Variants in PPP2R5E observed in about 807,000 individuals in gnomAD.
The protein encoded by PPP2R5E is serine/threonine-protein phosphatase 2A 56 kDa regulatory subunit epsilon isoform.
A neutral mutation model predicts 65.3 loss-of-function variants in PPP2R5E; 4 were observed. The ratio of observed to expected loss-of-function variants is 0.06; its 90% CI spans 0.03 to 0.14. The LOEUF (loss-of-function observed/expected upper bound fraction) is 0.14. PPP2R5E is among the 10% of genes least tolerant of loss of function. PPP2R5E has a pLI of 1.00. For missense variants in PPP2R5E, 274 were observed against 556.1 expected (o/e 0.49, Z 5.10); for synonymous variants, 183 against 187.4 (o/e 0.98, Z 0.19).
At chr14:63,493,206 G>T (rs1172634687) in intron 2 of PPP2R5E, among the ~76,000 whole-genome samples, 1 of 151,050 alleles carries the variant, frequency 6.6e-6, no homozygotes, top group Non-Finnish European at 1.5e-5. Context: ...TGGTTTGGTG[G>T]GTTGTTTTTT....
At chr14:63,390,929 C>T (rs1278817576) in intron 10 of PPP2R5E, among the ~76,000 whole-genome samples, 1 of 152,196 alleles carries the variant, frequency 6.6e-6, no homozygotes, top group Admixed American at 6.5e-5. Context: ...TAGCACATGC[C>T]TGGTGAATTC....
chr14:63,430,385 A>ACATGCATG (rs1370442958), intron 3 of PPP2R5E, among the ~76,000 whole-genome samples: 1 of 140,812 alleles, frequency 7.1e-6, no homozygotes, highest in African/African-American at 3.1e-5. Context: ...ATGCATACAT[A>ACATGCATG]CATACATACA....
At chr14:63,439,873 C>G (rs1888131661) in intron 3 of PPP2R5E, among the ~76,000 whole-genome samples, 1 of 152,230 alleles carries the variant, frequency 6.6e-6, no homozygotes, top group African/African-American at 2.4e-5. Context: ...GCTCGCATAG[C>G]TTGCCTGCAG....
In PPP2R5E at chr14:63,373,727, T is replaced by C. The variant is rs1173186520; in HGVS notation, c.*2282A>G. On this transcript the variant is annotated 3_prime_UTR_variant, in exon 14 of 14. Transcript: ENST00000337537. ...GGATCCTGGCCTTTCTCATTTCAAA[T>C]GACTGCATTTCATTCCAATGAGCAG... 2 of 152,212 alleles carry C rather than the reference T, an allele frequency of 1.3e-5. No individual in the cohort carries two copies. Among genetic ancestry groups the C allele is most frequent in the Non-Finnish European group, 2.9e-5 (2 of 68,034 alleles). 9.4% of individuals were successfully genotyped at this position (152,212 alleles called of 1,614,324 possible).
intron 13 of PPP2R5E, among the ~76,000 whole-genome samples, chr14:63,379,348 G>A (rs1316050624): frequency 2.0e-5 from 3 of 152,062 alleles, no homozygotes; most frequent in Non-Finnish European, 4.4e-5. Flanking sequence ...CTCTGCTCAT[G>A]GCAACCTCCC....
chr14:63,538,261 CTTTT>C (rs10709303), intron 2 of PPP2R5E, among the ~76,000 whole-genome samples: 4 of 146,300 alleles, frequency 2.7e-5, no homozygotes. Context: ...CCTGCACTTT[CTTTT>C]TTTTTTTTCC....
chr14:63,496,758 G>A (rs889593943), intron 2 of PPP2R5E, among the ~76,000 whole-genome samples: 24 of 151,466 alleles, frequency 1.6e-4, no homozygotes, highest in African/African-American at 4.6e-4. Context: ...TTTCTTCTCC[G>A]ACTTAAATCT....
At chr14:63,474,740 A>G (rs1228730572) in intron 2 of PPP2R5E, among the ~76,000 whole-genome samples, 1 of 135,978 alleles carries the variant, frequency 7.4e-6, no homozygotes, top group East Asian at 1.9e-4. Context: ...TATTTGGGGG[A>G]AAAAAAGGAA....
intron 8 of PPP2R5E, among the ~76,000 whole-genome samples, chr14:63,392,990 A>T (rs909246894): frequency 1.3e-5 from 2 of 152,310 alleles, no homozygotes; most frequent in African/African-American, 4.8e-5. Context: ...TTTTAAAGTG[A>T]TGAAGGCTTA....
At chr14:63,410,003 G>C (rs533876481) in intron 5 of PPP2R5E, among the ~76,000 whole-genome samples, 1 of 152,106 alleles carries the variant, frequency 6.6e-6, no homozygotes, top group South Asian at 2.1e-4. Flanking sequence ...CAAACCCAAA[G>C]CTTCCTAACT....
intron 2 of PPP2R5E, among the ~76,000 whole-genome samples, chr14:63,466,249 T>TAA: frequency 1.1e-5 from 1 of 93,116 alleles, no homozygotes; most frequent in African/African-American, 4.4e-5. Context: ...TCATGAAACT[T>TAA]AAAAAAAAAA....
At chr14:63,466,801 A>ATGTG (rs1889833055) in intron 2 of PPP2R5E, among the ~76,000 whole-genome samples, 3 of 150,638 alleles carry the variant, frequency 2.0e-5, no homozygotes, top group African/African-American at 7.5e-5. Flanking sequence ...ATGTGTATGT[A>ATGTG]TGTATGTGTG....
chr14:63,539,290 A>G (rs376900456), intron 2 of PPP2R5E, among the ~76,000 whole-genome samples: 1 of 152,198 alleles, frequency 6.6e-6, no homozygotes, highest in Admixed American at 6.5e-5. Flanking sequence ...TAGTTTACCT[A>G]CTCATCAATG....
chr14:63,482,705 A>C (rs1000005859), intron 2 of PPP2R5E, among the ~76,000 whole-genome samples: 4 of 152,218 alleles, frequency 2.6e-5, no homozygotes, highest in African/African-American at 9.7e-5. Context: ...TGAATGCATA[A>C]AAATCTTAAA....
chr14:63,496,225 A>C (rs1232162118), intron 2 of PPP2R5E, among the ~76,000 whole-genome samples: 1 of 151,980 alleles, frequency 6.6e-6, no homozygotes, highest in Non-Finnish European at 1.5e-5. Context: ...CCACTTGGCC[A>C]GGCACAGTGG....
At chr14:63,407,991 G>C (rs1886185149) in intron 5 of PPP2R5E, among the ~76,000 whole-genome samples, 1 of 152,164 alleles carries the variant, frequency 6.6e-6, no homozygotes, top group Non-Finnish European at 1.5e-5. Context: ...GAGGCATTTT[G>C]TTAAAGCAGC....
In PPP2R5E at chr14:63,390,193, C is replaced by T. The variant is rs148812945; in HGVS notation, c.955-462G>A. Among the ~76,000 whole-genome samples, 6 of 152,114 alleles carry T rather than the reference C, an allele frequency of 3.9e-5. No homozygotes were observed. In the East Asian group the frequency reaches 5.8e-4, roughly 15 times the overall value. On this transcript the variant is annotated intron_variant, in intron 10 of 13. Transcript: ENST00000337537. ...CTGCTACATGCTCAATGCTCTAGAA[C>T]GCACTCATTAATACAACAAAAAGTT...
In PPP2R5E at chr14:63,457,309, CA is replaced by C. The variant is rs1266940084; in HGVS notation, c.158-3425del. On this transcript the variant is annotated intron_variant, in intron 2 of 13. Coordinates refer to ENST00000337537, the MANE Select transcript of PPP2R5E (RefSeq NM_006246.5). ...ATGTAAGCAGTCCCTGAAGTAGATC[CA>C]AATATTCTTTTTAAATAAACATTTA... Among the ~76,000 whole-genome samples the C allele has an allele frequency of 3.3e-5, 5 of 152,066 alleles. No individual in the cohort carries two copies. In the East Asian group the frequency reaches 9.7e-4, roughly 29 times the overall value.
At chr14:63,427,903 T>G (rs1385158901) in intron 3 of PPP2R5E, among the ~76,000 whole-genome samples, 2 of 152,074 alleles carry the variant, frequency 1.3e-5, no homozygotes, top group Non-Finnish European at 2.9e-5. Flanking sequence ...GTTCCCAGGG[T>G]TCCTTCTGAT....
Sources: gnomAD v4.1 joint callset for allele counts (sites outside exome capture counted in the v4.1 genomes callset) on GRCh38, gnomAD v4.1.1 for gene constraint, MANE v1.5 for transcripts, NCBI Gene and HGNC (gene_info 2026-07-23, HGNC 2026-07-21) for gene names.